COL6A3: variants seen among roughly 807,000 people sequenced by gnomAD.
The protein encoded by COL6A3 is collagen type VI alpha 3 chain.
A neutral mutation model predicts 274.1 loss-of-function variants in COL6A3; 137 were observed. That is an observed-to-expected ratio of 0.50 (90% CI 0.44 to 0.58). COL6A3 has a LOEUF of 0.58. COL6A3 is among the 20% of genes least tolerant of loss of function. COL6A3 has a pLI of 0.00. For missense variants in COL6A3, 3,950 were observed against 4,124.9 expected, an observed-to-expected ratio of 0.96 and a Z score of 1.16; for synonymous variants, 1,650 against 1,650.6, an observed-to-expected ratio of 1.00 and a Z score of 0.01.
chr2:237,373,073 C>T lies in COL6A3; in HGVS notation c.3680-736G>A, dbSNP rs143166538. 1.3e-3 allele frequency among the ~76,000 whole-genome samples: 199 copies of T among 152,166 alleles called. 3 individuals are homozygous for T. The East Asian group carries it at 0.035, about 27-fold the overall frequency. ...GAGAAATAGGACTCAAGATTACCAG[C>T]TGAGAGTCAGGTGGGTCAGGAGAGG... On this transcript the variant is annotated intron_variant, in intron 8 of 43. Transcript: ENST00000295550.
rs114845780 is a variant in COL6A3 at position 237,367,039 on chromosome 2, G to C, written c.5148C>G (p.His1716Gln). ...GCTCAAGGCCCACCTTAGTGTTGGC[G>C]TGTCTTCCCCCTTTGTAGACCACTT... ...INKVVYKGGR[H>Q]ANTKVGLEHL... is the part of the protein sequence containing the mutation. The change falls in exon 11 of 44, where the codon CAC becomes CAG. Residue 1716 changes from histidine (H) to glutamine (Q), a missense_variant. By Grantham distance (24) the His-to-Gln change is conservative (BLOSUM62 0). Transcript: ENST00000295550. 2 of 1,614,104 alleles carry C rather than the reference G, an allele frequency of 1.2e-6. No homozygotes were observed. The highest frequency in any genetic ancestry group is 2.2e-5 in the South Asian group (2 of 91,088).
intron 29 of COL6A3, 37 bp from the exon 30 acceptor site, chr2:237,348,421 T>C (rs2077140265): frequency 2.6e-6 from 4 of 1,533,930 alleles, no homozygotes; most frequent in Admixed American, 1.7e-5. Context: ...TACTTGGTTC[T>C]AATTTAAATT....
chr2:237,353,879 A>G (rs1416904764), intron 24 of COL6A3, among the ~76,000 whole-genome samples: 1 of 152,234 alleles, frequency 6.6e-6, no homozygotes, highest in African/African-American at 2.4e-5. Context: ...GAGCCAGAAC[A>G]GCCCAAGGAG....
chr2:237,366,709 A>C lies in COL6A3; in HGVS notation c.5478T>G (p.Pro1826=), dbSNP rs1181875173. 3 of 1,614,166 alleles carry C rather than the reference A, an allele frequency of 1.9e-6. No homozygotes were observed. Among genetic ancestry groups the C allele is most frequent in the Non-Finnish European group, 2.5e-6 (3 of 1,180,058 alleles). ...TACCTTTGGCAGCATCAGTTACACC[A>C]GGGCAAAGGGTTTCATGCATCGCAT... ...LHDAMHETLC[P]GVTDAAKACN... The change falls in exon 11 of 44, where the codon CCT becomes CCG. Residue 1826 remains proline, a synonymous_variant. Transcript: ENST00000295550.
Position 237,361,261 on chromosome 2 carries a change from C to T in COL6A3, c.6157-87G>A. ...ATCCCTGTGGTCCCCCTTCATTTGG[C>T]AGAGCAGCACTAAAACTCAGCATGG... On this transcript the variant is annotated intron_variant, in intron 15 of 43. Coordinates refer to ENST00000295550, the MANE Select transcript of COL6A3 (RefSeq NM_004369.4). The surrounding 1 kb of genome is among the most constrained non-coding windows in gnomAD (Gnocchi z 5.1). The T allele has an allele frequency of 8.3e-7, 1 of 1,203,782 alleles. No homozygotes were observed. Among genetic ancestry groups the T allele is most frequent in the Non-Finnish European group, 1.2e-6 (1 of 811,602 alleles). The allele number at this position is 1,203,782 out of a possible 1,614,324, so 74.6% of individuals were successfully genotyped here.
intron 3 of COL6A3, among the ~76,000 whole-genome samples, chr2:237,393,797 T>C (rs899646054): frequency 1.1e-4 from 17 of 152,260 alleles, no homozygotes; most frequent in African/African-American, 3.1e-4. Context: ...GCTAACAGGC[T>C]TAACTGGTTA....
rs754306152 is a variant in COL6A3, at chr2:237,324,461, A to G, written c.*313T>C. 2.9e-6 allele frequency: 1 copy of G among 340,798 alleles called. No individual in the cohort carries two copies. The allele number at this position is 340,798 out of a possible 1,614,324, so 21.1% of individuals were successfully genotyped here. A position where few individuals can be genotyped will look rare whatever the true frequency, so the allele number is the denominator to read the frequency against. ...TCTAGACTTTACATTTGCCTGCAAC[A>G]GGCATAACATGAAACTCCAGAGGGA... On this transcript the variant is annotated 3_prime_UTR_variant, in exon 44 of 44. Transcript: ENST00000295550.
chr2:237,391,765 T>C (rs1473965163), intron 3 of COL6A3, among the ~76,000 whole-genome samples: 2 of 152,302 alleles, frequency 1.3e-5, no homozygotes, highest in Non-Finnish European at 1.5e-5. Context: ...CCTCAGATGA[T>C]CCTCCCGTCT....
chr2:237,350,094 C>T lies in COL6A3; in HGVS notation c.6879+53G>A, dbSNP rs113396308. On this transcript the variant is annotated intron_variant, in intron 28 of 43. Transcript: ENST00000295550. Reference sequence around the variant, plus strand: ...TGGAACCCTCTCCTGGCTTCCTGCACCTTCCAGCAAAGAGTCAGCGACAGC... The same window carrying T: ...TGGAACCCTCTCCTGGCTTCCTGCATCTTCCAGCAAAGAGTCAGCGACAGC... The T allele has an allele frequency of 3.4e-4, 531 of 1,561,570 alleles. 1 individual carries two copies. The African/African-American group carries it at 6.4e-3, about 19-fold the overall frequency.
In COL6A3 at chr2:237,376,829, G is replaced by A; in HGVS notation, c.3013C>T (p.Leu1005Phe). Reference sequence around the variant, plus strand: ...AAGAGATTCACTATCTGTGGATGAAGATCTCCAATCTTGGGAAGCGACTCT... The same window carrying A: ...AAGAGATTCACTATCTGTGGATGAAAATCTCCAATCTTGGGAAGCGACTCT... ...AAESLPKIGD[L>F]HPQIVNLLKS... Residue 1005 changes from leucine to phenylalanine, a missense_variant, in exon 7 of 44, where the codon CTT becomes TTT. Transcript: ENST00000295550. 1.2e-6 allele frequency: 2 copies of A among 1,614,102 alleles called. No individual in the cohort carries two copies. Among genetic ancestry groups the A allele is most frequent in the Non-Finnish European group, 1.7e-6 (2 of 1,179,994 alleles).
chr2:237,334,483 AGTTGTTTTGTTGTTGTTGCTGTT>A, intron 41 of COL6A3, 120 bp downstream of exon 41: 1 of 891,788 alleles, frequency 1.1e-6, no homozygotes, highest in Non-Finnish European at 1.8e-6. Context: ...ACCCAGGCTG[AGTTGTTTTGTTGTTGTTGCTGTT>A]GTTGTTTTTT....
Position 237,374,493 on chromosome 2 carries a change from C to T in COL6A3, c.3598G>A (p.Val1200Ile), listed in dbSNP as rs779028054. Residue 1200 changes from valine (V) to isoleucine (I), a missense_variant, in exon 8 of 44, where the codon GTC (valine) becomes ATC (isoleucine). Val to Ile is a conservative substitution (Grantham distance 29). Transcript: ENST00000295550. This position sits in a 1 kb window ranked among gnomAD's most constrained non-coding sequence, Gnocchi z 4.8. Reference sequence around the variant, plus strand: ...AGCTGGGTCACCCTCTCAGAGATGACCTGTTGGACGGTCCCCAGCTGGCGA... The same window carrying T: ...AGCTGGGTCACCCTCTCAGAGATGATCTGTTGGACGGTCCCCAGCTGGCGA... ...TFRQLGTVQQ[V>I]ISERVTQLTR... 1 of 1,614,120 alleles carries T rather than the reference C, an allele frequency of 6.2e-7. No individual in the cohort carries two copies.
chr2:237,345,460 G>A (rs184809511), intron 32 of COL6A3, among the ~76,000 whole-genome samples: 5 of 152,332 alleles, frequency 3.3e-5, no homozygotes, highest in African/African-American at 9.6e-5. Flanking sequence ...AAACCAGGAA[G>A]CTCACCACCA....
chr2:237,355,131 C>T, intron 23 of COL6A3, 197 bp from the exon 24 acceptor site: 1 of 529,646 alleles, frequency 1.9e-6, no homozygotes, highest in East Asian at 3.0e-5. Context: ...ACCCTTCCTC[C>T]ACCCTCATCC....
At chr2:237,332,259 G>A (rs1488693235) in intron 42 of COL6A3, among the ~76,000 whole-genome samples, 1 of 151,044 alleles carries the variant, frequency 6.6e-6, no homozygotes, top group Non-Finnish European at 1.5e-5. Context: ...TTGCTGTCTA[G>A]TTTACTCATT....
At chr2:237,348,214 G>T (rs2077134544) in intron 30 of COL6A3, 135 bp downstream of exon 30, 1 of 801,068 alleles carries the variant, frequency 1.2e-6, no homozygotes. Flanking sequence ...GGAAGGAAGG[G>T]TCTTTCTCAG....
chr2:237,324,715 A>G lies in COL6A3; in HGVS notation c.*59T>C. ...CTACACCCGGAGCTTCTACAGAGAC[A>G]AGTTGGCGATGGCTGACTCCTTCTT... On this transcript the variant is annotated 3_prime_UTR_variant, in exon 44 of 44. Transcript: ENST00000295550. The G allele has an allele frequency of 6.5e-7, 1 of 1,541,338 alleles. No individual in the cohort carries two copies. The highest frequency in any genetic ancestry group is 9.0e-7 in the Non-Finnish European group (1 of 1,114,560).
In COL6A3 at chr2:237,359,403, G is replaced by A. The variant is rs757187481; in HGVS notation, c.6283-15C>T. Reference sequence around the variant, plus strand: ...CCCCGAGAGCCCTAGAAGGCAAGGCGATAGGGGAAGCATTAGCTTTTCCTG... The same window carrying A: ...CCCCGAGAGCCCTAGAAGGCAAGGCAATAGGGGAAGCATTAGCTTTTCCTG... On this transcript the variant is annotated splice_polypyrimidine_tract_variant and intron_variant, in intron 17 of 43. Coordinates refer to ENST00000295550, the MANE Select transcript of COL6A3 (RefSeq NM_004369.4). The A allele has an allele frequency of 1.1e-5, 18 of 1,613,636 alleles. No individual in the cohort carries two copies. Among genetic ancestry groups the A allele is most frequent in the East Asian group, 2.2e-5 (1 of 44,886 alleles).
At position 237,336,232 on chromosome 2, in the gene COL6A3, AGCG is replaced by A. The variant is rs757584445; in HGVS notation, c.8865_8867del (p.Ala2960del). On this transcript the variant is annotated inframe_deletion, in exon 40 of 44. Coordinates refer to ENST00000295550, the MANE Select transcript of COL6A3 (RefSeq NM_004369.4). Reference sequence around the variant, plus strand: ...TCGCCACTGGTTTTGCAGCAGCAGCAGCGGGGGGTCTTACAGCTGCTGGCTTTG... The same window carrying A: ...TCGCCACTGGTTTTGCAGCAGCAGCAGGGGGTCTTACAGCTGCTGGCTTTG... 1.1e-5 allele frequency: 18 copies of A among 1,612,062 alleles called. No homozygotes were observed. The highest frequency in any genetic ancestry group is 2.2e-5 in the South Asian group (2 of 91,014).
Sources: allele counts gnomAD v4.1 joint callset (sites outside exome capture counted in the v4.1 genomes callset), GRCh38; gene constraint gnomAD v4.1.1; non-coding constraint Gnocchi (gnomAD v3.1); transcripts MANE v1.5; gene names NCBI Gene and HGNC (gene_info 2026-07-23, HGNC 2026-07-21).